Variants in HMGCLL1 observed in about 807,000 individuals in gnomAD.
The protein encoded by HMGCLL1 is 3-hydroxymethyl-3-methylglutaryl-CoA lyase, cytoplasmic.
HMGCLL1 carries 36 observed loss-of-function variants against 39.1 expected under a neutral mutation model. That is an observed-to-expected ratio of 0.92 (90% CI 0.71 to 1.22). The LOEUF (loss-of-function observed/expected upper bound fraction) is 1.22, where lower values mean the gene tolerates loss of function less well. Among genes scored for constraint, HMGCLL1 ranks in the 50% most tolerant of loss-of-function variants. The probability of loss-of-function intolerance (pLI) is 0.00; values close to 1 mark genes in which losing one functional copy is unlikely to be tolerated. For missense variants in HMGCLL1, 451 were observed against 416.5 expected (o/e 1.08, Z -0.72); for synonymous variants, 149 against 144.0 (o/e 1.03, Z -0.25).
intron 7 of HMGCLL1, among the ~76,000 whole-genome samples, chr6:55,441,007 G>T (rs958197822): frequency 6.6e-6 from 1 of 152,088 alleles, no homozygotes; most frequent in Admixed American, 6.6e-5. Flanking sequence ...ATTATTCAAT[G>T]ATACTTATTA....
intron 1 of HMGCLL1, among the ~76,000 whole-genome samples, chr6:55,552,875 C>T (rs997718461): frequency 4.6e-5 from 7 of 151,898 alleles, no homozygotes; most frequent in Non-Finnish European, 7.3e-5. Context: ...GGCGTGGTGG[C>T]TCACACCTGT....
chr6:55,543,522 A>T (rs1283324845), intron 1 of HMGCLL1, among the ~76,000 whole-genome samples: 2 of 109,782 alleles, frequency 1.8e-5, no homozygotes, highest in Admixed American at 2.3e-4. Context: ...TAATATATAT[A>T]TTTTTATGTG....
chr6:55,483,785 TA>T (rs1765863784), intron 7 of HMGCLL1, among the ~76,000 whole-genome samples: 1 of 152,182 alleles, frequency 6.6e-6, no homozygotes. Context: ...TGTCATTTTT[TA>T]AAAATAAAAA....
chr6:55,480,289 T>C (rs1561907648), intron 7 of HMGCLL1, among the ~76,000 whole-genome samples: 1 of 151,476 alleles, frequency 6.6e-6, no homozygotes, highest in Non-Finnish European at 1.5e-5. Context: ...AAAAATCTAA[T>C]AATCCGACCA....
chr6:55,653,912 A>C, the HMGCLL1 span, among the ~76,000 whole-genome samples: 27 of 152,134 alleles, frequency 1.8e-4, no homozygotes, highest in African/African-American at 6.3e-4. Flanking sequence ...AAACAGTTTG[A>C]AGAAAGTCTT....
intron 5 of HMGCLL1, among the ~76,000 whole-genome samples, chr6:55,500,301 G>A (rs1399301145): frequency 6.6e-6 from 1 of 151,968 alleles, no homozygotes; most frequent in Non-Finnish European, 1.5e-5. Flanking sequence ...GATCAGATTT[G>A]TTTCCCAGAA....
chr6:55,656,455 T>A, the HMGCLL1 span, among the ~76,000 whole-genome samples: 15,002 of 151,962 alleles, frequency 0.099, 847 homozygotes, highest in East Asian at 0.17. Flanking sequence ...TATAACTAAC[T>A]TACCAGGTGA....
chr6:55,496,990 C>G (rs980216666), intron 6 of HMGCLL1, among the ~76,000 whole-genome samples: 1 of 152,094 alleles, frequency 6.6e-6, no homozygotes, highest in Non-Finnish European at 1.5e-5. Flanking sequence ...CACTAAGTAG[C>G]TTTGCAAATG....
the HMGCLL1 span, among the ~76,000 whole-genome samples, chr6:55,635,196 A>T: frequency 6.6e-6 from 1 of 152,154 alleles, no homozygotes; most frequent in African/African-American, 2.4e-5. Context: ...AATAGAAAAA[A>T]TCAAGTATAT....
At position 55,547,843 on chromosome 6, in the gene HMGCLL1, T is replaced by C. The variant is rs1031867482; in HGVS notation, c.109-5703A>G. On this transcript the variant is annotated intron_variant, in intron 1 of 8. Transcript: ENST00000274901. ...ATTGCTTTTTAGATATTAATTTCTG[T>C]TTTAATCAAATATAATGAGAAATAC... is the stretch of plus-strand genomic sequence containing the variant. 5.9e-5 allele frequency among the ~76,000 whole-genome samples: 9 copies of C among 152,178 alleles called. No homozygotes were observed. In the East Asian group the frequency reaches 1.7e-3, roughly 29 times the overall value.
At chr6:55,581,016 A>G (rs766089893), upstream of HMGCLL1, among the ~76,000 whole-genome samples, 4 of 152,222 alleles carry the variant, frequency 2.6e-5, no homozygotes, top group Non-Finnish European at 4.4e-5. Flanking sequence ...ATTTTAAAAG[A>G]TCCAACTTCA....
chr6:55,457,516 TA>T (rs1463278950), intron 7 of HMGCLL1, among the ~76,000 whole-genome samples: 26 of 152,304 alleles, frequency 1.7e-4, no homozygotes, highest in Non-Finnish European at 3.5e-4. Context: ...TTTGAGTTAT[TA>T]AAGCCAAGAA....
At chr6:55,533,682 C>G (rs1387782051) in intron 3 of HMGCLL1, among the ~76,000 whole-genome samples, 2 of 151,152 alleles carry the variant, frequency 1.3e-5, no homozygotes. Flanking sequence ...GTCAGGAGAT[C>G]GAGACCATCC....
intron 3 of HMGCLL1, among the ~76,000 whole-genome samples, chr6:55,518,055 C>G (rs1014721051): frequency 1.3e-5 from 2 of 152,170 alleles, no homozygotes; most frequent in Non-Finnish European, 2.9e-5. Context: ...AGTGATATCT[C>G]TCATTTCATT....
At chr6:55,585,924 C>T in the HMGCLL1 span, among the ~76,000 whole-genome samples, 1 of 151,932 alleles carries the variant, frequency 6.6e-6, no homozygotes, top group Non-Finnish European at 1.5e-5. Context: ...TAAAAGAATG[C>T]AAAGCATATC....
Position 55,514,173 on chromosome 6 carries a change from T to C in HMGCLL1, c.417A>G (p.Ile139Met), listed in dbSNP as rs760787951. ...ATTCAGATGCAGCTCCAAAAACTGA[T>C]ATCTCAGTAGCTCCAGCAGCAACCT... ...HHAVAAGATE[I>M]SVFGAASESF... is the part of the protein sequence containing the mutation. Residue 139 changes from isoleucine (I) to methionine (M), a missense_variant, in exon 5 of 9, where the codon ATA becomes ATG. Coordinates refer to ENST00000274901, the MANE Select transcript of HMGCLL1 (RefSeq NM_001042406.2). 1.9e-6 allele frequency: 3 copies of C among 1,610,462 alleles called. No homozygotes were observed. Among genetic ancestry groups the C allele is most frequent in the South Asian group, 1.1e-5 (1 of 90,022 alleles).
At chr6:55,474,682 T>C (rs9370429) in intron 7 of HMGCLL1, among the ~76,000 whole-genome samples, 104,944 of 151,310 alleles carry the variant, frequency 0.69, 37,096 homozygotes, top group African/African-American at 0.83. Context: ...TCATCTGCCT[T>C]TGATTTGTTG....
the HMGCLL1 span, among the ~76,000 whole-genome samples, chr6:55,615,777 C>T: frequency 6.6e-6 from 1 of 152,026 alleles, no homozygotes; most frequent in African/African-American, 2.4e-5. Context: ...AATGAGACAA[C>T]TTCCTCTCTA....
chr6:55,543,995 A>C (rs1769803939), intron 1 of HMGCLL1, among the ~76,000 whole-genome samples: 1 of 152,048 alleles, frequency 6.6e-6, no homozygotes, highest in African/African-American at 2.4e-5. Flanking sequence ...GGCCCAGAAA[A>C]CTGAGGCTAG....
Sources: gnomAD v4.1 joint callset for allele counts (sites outside exome capture counted in the v4.1 genomes callset) on GRCh38, gnomAD v4.1.1 for gene constraint, MANE v1.5 for transcripts, NCBI Gene and HGNC (gene_info 2026-07-23, HGNC 2026-07-21) for gene names.